Variants in CSGALNACT1 observed in about 807,000 individuals in gnomAD.
CSGALNACT1 encodes the protein beta4GalNAcT-1.
Under a neutral mutation model 51.0 loss-of-function variants are expected in CSGALNACT1, and 52 were observed. The observed-to-expected ratio is 1.02, with a 90% confidence interval of 0.82 to 1.29. The LOEUF is 1.29. Ranked by LOEUF, CSGALNACT1 falls within the 50% of genes most tolerant of loss-of-function variation. The probability of loss-of-function intolerance (pLI) is 0.00; values close to 1 mark genes in which losing one functional copy is unlikely to be tolerated. For synonymous variants in CSGALNACT1, 341 were observed against 254.4 expected (o/e 1.34, Z -3.24); for missense variants, 935 against 679.2 (o/e 1.38, Z -4.19).
intron 8 of CSGALNACT1, among the ~76,000 whole-genome samples, chr8:19,417,243 A>G (rs1014384308): frequency 6.6e-6 from 1 of 152,174 alleles, no homozygotes; most frequent in South Asian, 2.1e-4. Context: ...GATACACAGT[A>G]TATCTGTGGT....
exon 10 of CSGALNACT1, chr8:19,405,232 G>C (rs962274949): frequency 2.2e-6 from 1 of 452,810 alleles, no homozygotes; most frequent in East Asian, 6.9e-5. Flanking sequence ...TTAATCTTGG[G>C]GAAAATATGA....
At chr8:19,739,527 T>C (rs1484552396) in intron 1 of CSGALNACT1, among the ~76,000 whole-genome samples, 1 of 152,160 alleles carries the variant, frequency 6.6e-6, no homozygotes, top group African/African-American at 2.4e-5. Context: ...ATCACAGCAA[T>C]AAGTTTATAT....
intron 3 of CSGALNACT1, among the ~76,000 whole-genome samples, chr8:19,570,605 T>C (rs775424468): frequency 2.0e-5 from 3 of 152,132 alleles, no homozygotes; most frequent in Non-Finnish European, 4.4e-5. Context: ...GTTGTTCTAA[T>C]TTAAGACATG....
At chr8:19,750,719 A>T (rs2064976729) in intron 1 of CSGALNACT1, among the ~76,000 whole-genome samples, 1 of 152,184 alleles carries the variant, frequency 6.6e-6, no homozygotes, top group South Asian at 2.1e-4. Context: ...TCTCTCCTGC[A>T]CTGTCTTCAC....
chr8:19,490,876 G>A (rs111809485), intron 4 of CSGALNACT1, among the ~76,000 whole-genome samples: 12 of 152,088 alleles, frequency 7.9e-5, no homozygotes, highest in Non-Finnish European at 1.5e-5. Context: ...CAGGCAGCAG[G>A]AAGGAAGTCC....
chr8:19,556,384 GAA>G (rs35965072), intron 3 of CSGALNACT1, among the ~76,000 whole-genome samples: 44,690 of 119,652 alleles, frequency 0.37, 7,767 homozygotes, highest in African/African-American at 0.55. Flanking sequence ...TCTCTCAAAA[GAA>G]AAAAAAAAAA....
At chr8:19,404,782 A>G (rs1204410103) in exon 10 of CSGALNACT1, 1 of 454,450 alleles carries the variant, frequency 2.2e-6, no homozygotes, top group Non-Finnish European at 4.4e-6. Context: ...ACTTTTAGGT[A>G]CATCACGATA....
At chr8:19,756,680 A>AGC (rs918820162) in intron 1 of CSGALNACT1, among the ~76,000 whole-genome samples, 3 of 151,330 alleles carry the variant, frequency 2.0e-5, no homozygotes, top group African/African-American at 7.3e-5. Context: ...ATCCCCCACT[A>AGC]GCCCGGTCCC....
chr8:19,437,647 CAGGTAT>C (rs1230899701), intron 6 of CSGALNACT1, among the ~76,000 whole-genome samples: 4 of 152,148 alleles, frequency 2.6e-5, no homozygotes, highest in African/African-American at 9.7e-5. Flanking sequence ...ACTAGTCAAC[CAGGTAT>C]AGGTATAGGT....
intron 4 of CSGALNACT1, among the ~76,000 whole-genome samples, chr8:19,470,938 A>C (rs951205140): frequency 1.3e-5 from 2 of 152,068 alleles, no homozygotes; most frequent in African/African-American, 4.8e-5. Flanking sequence ...TCTACTAAAA[A>C]TACAAAAATT....
chr8:19,666,812 AG>A (rs1201818391), intron 1 of CSGALNACT1, among the ~76,000 whole-genome samples: 24 of 18,024 alleles, frequency 1.3e-3, no homozygotes, highest in South Asian at 8.8e-3. Flanking sequence ...AGAAAGAAAG[AG>A]AGAGAGAGAG....
chr8:19,696,376 G>C (rs2061584252), intron 1 of CSGALNACT1, among the ~76,000 whole-genome samples: 1 of 152,200 alleles, frequency 6.6e-6, no homozygotes, highest in Non-Finnish European at 1.5e-5. Flanking sequence ...ATATAAGCAT[G>C]AATTAAAGGC....
intron 5 of CSGALNACT1, among the ~76,000 whole-genome samples, chr8:19,440,590 GACAA>G (rs1281490687): frequency 2.0e-5 from 3 of 152,158 alleles, no homozygotes; most frequent in African/African-American, 7.2e-5. Context: ...AGCTATCTAT[GACAA>G]ACACACAGCC....
At chr8:19,667,036 G>GAAAAGAA (rs1564386834) in intron 1 of CSGALNACT1, among the ~76,000 whole-genome samples, 4 of 28,458 alleles carry the variant, frequency 1.4e-4, no homozygotes, top group African/African-American at 2.1e-4. Flanking sequence ...AGGAAGGAAG[G>GAAAAGAA]AAGGAAGAAA....
intron 4 of CSGALNACT1, among the ~76,000 whole-genome samples, chr8:19,487,307 C>T (rs1427346463): frequency 6.6e-6 from 1 of 152,124 alleles, no homozygotes; most frequent in African/African-American, 2.4e-5. Context: ...CCAACAGCAG[C>T]GATGGTGTCT....
At chr8:19,648,874 A>G (rs1050328704) in intron 1 of CSGALNACT1, among the ~76,000 whole-genome samples, 2 of 152,220 alleles carry the variant, frequency 1.3e-5, no homozygotes, top group Non-Finnish European at 2.9e-5. Context: ...AATTATATCC[A>G]TGAAACGGAA....
intron 1 of CSGALNACT1, among the ~76,000 whole-genome samples, chr8:19,696,171 A>G (rs970364592): frequency 5.9e-5 from 9 of 152,234 alleles, no homozygotes; most frequent in Non-Finnish European, 1.2e-4. Flanking sequence ...TTAGACATCC[A>G]GCAGTCTAGG....
At chr8:19,718,406 G>C (rs2062934823) in intron 1 of CSGALNACT1, among the ~76,000 whole-genome samples, 1 of 152,096 alleles carries the variant, frequency 6.6e-6, no homozygotes, top group Non-Finnish European at 1.5e-5. Flanking sequence ...CTGGCCACAG[G>C]CTTTCTATTT....
At chr8:19,547,985 CATTGT>C (rs2086893703) in intron 3 of CSGALNACT1, among the ~76,000 whole-genome samples, 1 of 152,132 alleles carries the variant, frequency 6.6e-6, no homozygotes. Flanking sequence ...ATATTCCCGG[CATTGT>C]ATTAAGTGAT....
Sources: allele counts gnomAD v4.1 joint callset (sites outside exome capture counted in the v4.1 genomes callset), GRCh38; gene constraint gnomAD v4.1.1; transcripts MANE v1.5; gene names NCBI Gene and HGNC (gene_info 2026-07-23, HGNC 2026-07-21).